ATP1A3: variants seen among roughly 807,000 people sequenced by gnomAD.
ATP1A3 encodes sodium/potassium-transporting ATPase subunit alpha-3.
A neutral mutation model predicts 108.8 loss-of-function variants in ATP1A3; 12 were observed. That is an observed-to-expected ratio of 0.11 (90% confidence interval 0.07 to 0.18). The LOEUF (loss-of-function observed/expected upper bound fraction) is 0.18. Among genes scored for constraint, ATP1A3 ranks in the 10% least tolerant of loss-of-function variants. The probability of loss-of-function intolerance (pLI) is 1.00; values close to 1 mark genes in which losing one functional copy is unlikely to be tolerated. For missense variants in ATP1A3, 498 were observed against 1,387.7 expected, an observed-to-expected ratio of 0.36 and a Z score of 10.19; for synonymous variants, 539 against 564.5, an observed-to-expected ratio of 0.95 and a Z score of 0.64.
intron 4 of ATP1A3, among the ~76,000 whole-genome samples, chr19:41,987,477 G>A (rs187262263): frequency 5.9e-5 from 9 of 152,262 alleles, no homozygotes; most frequent in South Asian, 2.1e-4. Context: ...GTGCACACAC[G>A]CCTACCCAGG....
At position 41,967,483 on chromosome 19, in the gene ATP1A3, C is replaced by T; in HGVS notation, c.2922-143G>A. ...AGGGTGCCCTGGGCGGGGCTGGGGC[C>T]TGGGGTCTTCGGAGTAATCCGTGGT... On this transcript the variant is annotated intron_variant, in intron 21 of 22. Coordinates refer to ENST00000648268, the MANE Select transcript of ATP1A3 (RefSeq NM_152296.5). The surrounding 1 kb of genome is among the most constrained non-coding windows in gnomAD (Gnocchi z 4.2). 1 of 1,212,466 alleles carries T rather than the reference C, an allele frequency of 8.2e-7. No individual in the cohort carries two copies. The highest frequency in any genetic ancestry group is 1.2e-6 in the Non-Finnish European group (1 of 868,046). 75.1% of individuals were successfully genotyped at this position (1,212,466 alleles called of 1,614,324 possible). A position where few individuals can be genotyped will look rare whatever the true frequency, so the allele number is the denominator to read the frequency against.
chr19:41,993,339 C>G, intron 1 of ATP1A3: 3 of 1,508,860 alleles, frequency 2.0e-6, no homozygotes, highest in Non-Finnish European at 2.7e-6. Context: ...CATGCACGCT[C>G]CCCACTACAC....
At chr19:41,970,359 G>A (rs372090117) in intron 17 of ATP1A3, 29 bp downstream of exon 17, 15 of 1,613,686 alleles carry the variant, frequency 9.3e-6, no homozygotes, top group Non-Finnish European at 1.3e-5. Flanking sequence ...CCACCCTCCT[G>A]GGCCCCAAGG....
intron 8 of ATP1A3, among the ~76,000 whole-genome samples, chr19:41,983,179 G>A (rs2075251991): frequency 6.6e-6 from 1 of 151,960 alleles, no homozygotes; most frequent in South Asian, 2.1e-4. Flanking sequence ...CCAGGTTCAA[G>A]CAATTCTTGT....
chr19:41,994,167 C>T lies in ATP1A3; in HGVS notation c.-91G>A, dbSNP rs1025934501. On this transcript the variant is annotated 5_prime_UTR_variant, in exon 1 of 23. Coordinates refer to ENST00000648268, the MANE Select transcript of ATP1A3 (RefSeq NM_152296.5). The stretch of plus-strand genomic sequence containing the variant: ...AGGCTTGGGCTGGGAGCCTCTGCAG[C>T]GCCCGCGCCTCGGTAGGTGCGCGCG... 1.5e-6 allele frequency: 2 copies of T among 1,295,256 alleles called. No individual in the cohort carries two copies. Among genetic ancestry groups the T allele is most frequent in the Non-Finnish European group, 2.1e-6 (2 of 974,320 alleles). 80.2% of individuals were successfully genotyped at this position (1,295,256 alleles called of 1,614,324 possible).
rs1555862293 is a variant in ATP1A3 at position 41,978,619 on chromosome 19, G to C, written c.1617C>G (p.Gly539=). The C allele has an allele frequency of 3.1e-6, 5 of 1,613,460 alleles. No individual in the cohort carries two copies. Among genetic ancestry groups the C allele is most frequent in the Non-Finnish European group, 4.2e-6 (5 of 1,179,966 alleles). The change falls in exon 12 of 23, where the codon GGC becomes GGG. Residue 539 remains glycine (G), a synonymous_variant. Coordinates refer to ENST00000648268, the MANE Select transcript of ATP1A3 (RefSeq NM_152296.5). This position sits in a 1 kb window ranked among gnomAD's most constrained non-coding sequence, Gnocchi z 8.3. ...QNAYLELGGL[G]ERVLGFCHYY... The stretch of plus-strand genomic sequence containing the variant: ...GCAGCCTCGCACCAAGCACGCGCTC[G>C]CCCAGGCCACCGAGCTCAAGGTAGG...
chr19:41,983,584 TA>T (rs2075256284), intron 8 of ATP1A3, among the ~76,000 whole-genome samples: 1 of 145,174 alleles, frequency 6.9e-6, no homozygotes, highest in African/African-American at 2.5e-5. Flanking sequence ...ATAATAATAA[TA>T]ATTATTATTA....
intron 11 of ATP1A3, among the ~76,000 whole-genome samples, chr19:41,980,237 G>A (rs1555862844): frequency 6.6e-6 from 1 of 152,178 alleles, no homozygotes; most frequent in Admixed American, 6.5e-5. Flanking sequence ...CTCAGAGAGG[G>A]GTGACTTCAC....
rs1555863167 is a variant in ATP1A3 at position 41,981,135 on chromosome 19, C to G, written c.1437+367G>C. ...CCTCAGACTCCCAAATCGCTGAGAC[C>G]ACAGGCACATACCACCACACCTGGC... On this transcript the variant is annotated intron_variant, in intron 11 of 22. Coordinates refer to ENST00000648268, the MANE Select transcript of ATP1A3 (RefSeq NM_152296.5). This position sits in a 1 kb window ranked among gnomAD's most constrained non-coding sequence, Gnocchi z 5.0. 6.6e-6 allele frequency among the ~76,000 whole-genome samples: 1 copy of G among 151,320 alleles called. No homozygotes were observed. Among genetic ancestry groups the G allele is most frequent in the Non-Finnish European group, 1.5e-5 (1 of 67,868 alleles).
At chr19:41,994,041 G>A (rs782258089) in intron 1 of ATP1A3, 30 bp downstream of exon 1, 60 of 1,609,510 alleles carry the variant, frequency 3.7e-5, no homozygotes, top group Non-Finnish European at 5.0e-5. Context: ...ATGTCACACG[G>A]AAGCGGCGCC....
In ATP1A3 at chr19:41,978,502, T is replaced by A; in HGVS notation, c.1630+104A>T. 1 of 1,526,098 alleles carries A rather than the reference T, an allele frequency of 6.6e-7. No homozygotes were observed. Among genetic ancestry groups the A allele is most frequent in the Non-Finnish European group, 9.0e-7 (1 of 1,113,882 alleles). The allele number at this position is 1,526,098 out of a possible 1,614,324, so 94.5% of individuals were successfully genotyped here. A position where few individuals can be genotyped will look rare whatever the true frequency, so the allele number is the denominator to read the frequency against. On this transcript the variant is annotated intron_variant, in intron 12 of 22. Coordinates refer to ENST00000648268, the MANE Select transcript of ATP1A3 (RefSeq NM_152296.5). The surrounding 1 kb of genome is among the most constrained non-coding windows in gnomAD (Gnocchi z 8.3). The stretch of plus-strand genomic sequence containing the variant: ...ATCCATTCATTCATTCATTCATTCA[T>A]TTACAGTATATTCTGGGAGGCCCTG...
chr19:41,987,100 G>A (rs955221106), intron 4 of ATP1A3, among the ~76,000 whole-genome samples: 9 of 152,238 alleles, frequency 5.9e-5, no homozygotes, highest in East Asian at 5.8e-4. Context: ...TCTGGGATGC[G>A]GCTGTCTGTC....
intron 11 of ATP1A3, among the ~76,000 whole-genome samples, chr19:41,979,723 A>G (rs2075210413): frequency 6.6e-6 from 1 of 152,068 alleles, no homozygotes; most frequent in Admixed American, 6.6e-5. Context: ...GACAGCTGAG[A>G]GATGTGGGGT....
chr19:41,982,442 A>G (rs536399467), intron 8 of ATP1A3, among the ~76,000 whole-genome samples: 1 of 152,166 alleles, frequency 6.6e-6, no homozygotes, highest in South Asian at 2.1e-4. Context: ...CCTGGCTAAC[A>G]TGGTGAAACC....
chr19:41,983,701 C>T (rs1460633229), intron 8 of ATP1A3, among the ~76,000 whole-genome samples: 4 of 148,424 alleles, frequency 2.7e-5, no homozygotes, highest in Admixed American at 1.4e-4. Context: ...CTCAACCTCC[C>T]GGGTCAGCCT....
chr19:41,967,383 C>G lies in ATP1A3; in HGVS notation c.2922-43G>C. ...GGAGGGCTTGAGTGCGGGGCCCTAA[C>G]GAGAGGCAGAGTTTCAGGGGACTGG... On this transcript the variant is annotated intron_variant, in intron 21 of 22. Coordinates refer to ENST00000648268, the MANE Select transcript of ATP1A3 (RefSeq NM_152296.5). The surrounding 1 kb of genome is among the most constrained non-coding windows in gnomAD (Gnocchi z 4.2). The G allele has an allele frequency of 1.9e-6, 3 of 1,585,464 alleles. No homozygotes were observed. Among genetic ancestry groups the G allele is most frequent in the South Asian group, 2.2e-5 (2 of 90,680 alleles).
chr19:41,992,471 G>A (rs1285425698), intron 1 of ATP1A3, among the ~76,000 whole-genome samples: 1 of 152,098 alleles, frequency 6.6e-6, no homozygotes, highest in African/African-American at 2.4e-5. Flanking sequence ...CAGCCTCTGC[G>A]CCTGGGCCGG....
rs1207684843 is a variant in ATP1A3, at chr19:41,985,623, T to C, written c.607-200A>G. Among the ~76,000 whole-genome samples, 1 of 152,094 alleles carries C rather than the reference T, an allele frequency of 6.6e-6. No individual in the cohort carries two copies. Among genetic ancestry groups the C allele is most frequent in the African/African-American group, 2.4e-5 (1 of 41,402 alleles). On this transcript the variant is annotated intron_variant, in intron 6 of 22. Coordinates refer to ENST00000648268, the MANE Select transcript of ATP1A3 (RefSeq NM_152296.5). This position sits in a 1 kb window ranked among gnomAD's most constrained non-coding sequence, Gnocchi z 8.2. ...AGGCACAGTGCTGCTGGCCAAGGTCTAGGGTCCCTAAGGATCTCCGAAAGG... is the reference window on the plus strand; with the variant it reads ...AGGCACAGTGCTGCTGGCCAAGGTCCAGGGTCCCTAAGGATCTCCGAAAGG...
intron 15 of ATP1A3, among the ~76,000 whole-genome samples, chr19:41,976,189 C>T (rs1161425513): frequency 1.5e-5 from 2 of 135,316 alleles, no homozygotes; most frequent in Admixed American, 7.6e-5. Flanking sequence ...ATCCCCTCTT[C>T]CCTCATACCC....
Sources: gnomAD v4.1 joint callset for allele counts (sites outside exome capture counted in the v4.1 genomes callset) on GRCh38, gnomAD v4.1.1 for gene constraint, Gnocchi (gnomAD v3.1) non-coding constraint, MANE v1.5 for transcripts, NCBI Gene and HGNC (gene_info 2026-07-23, HGNC 2026-07-21) for gene names.